ADAMTSL1: variants seen among roughly 807,000 people sequenced by gnomAD.
The protein encoded by ADAMTSL1 is ADAMTS-like protein 1.
ADAMTSL1 carries 126 observed loss-of-function variants against 201.8 expected under a neutral mutation model. The ratio of observed to expected loss-of-function variants is 0.62; its 90% CI spans 0.54 to 0.72. The LOEUF is 0.72. ADAMTSL1 is among the 30% of genes least tolerant of loss of function. ADAMTSL1 has a pLI of 0.00. For missense variants in ADAMTSL1, 2,679 were observed against 2,277.8 expected (o/e 1.18, Z -3.59); for synonymous variants, 1,121 against 903.4 (o/e 1.24, Z -4.32).
chr9:18,126,139 GGT>G (rs1205342975), intron 1 of ADAMTSL1, among the ~76,000 whole-genome samples: 3 of 151,996 alleles, frequency 2.0e-5, no homozygotes, highest in African/African-American at 7.2e-5. Flanking sequence ...ACAAGATTCT[GGT>G]AAGTATTAAA....
intron 4 of ADAMTSL1, among the ~76,000 whole-genome samples, chr9:18,576,258 C>T (rs929388304): frequency 6.6e-6 from 1 of 152,080 alleles, no homozygotes; most frequent in African/African-American, 2.4e-5. Context: ...GATGGAAAAA[C>T]AAAGATTGCA....
chr9:18,199,192 T>C (rs986412299), intron 2 of ADAMTSL1, among the ~76,000 whole-genome samples: 12 of 151,732 alleles, frequency 7.9e-5, no homozygotes, highest in African/African-American at 2.7e-4. Flanking sequence ...TGCACCAGCA[T>C]GGCACATGTA....
intron 4 of ADAMTSL1, among the ~76,000 whole-genome samples, chr9:18,584,097 A>C (rs1356866053): frequency 6.6e-6 from 1 of 152,034 alleles, no homozygotes; most frequent in Admixed American, 6.6e-5. Context: ...GAGGTTTGGG[A>C]GGGGCTAGAG....
In ADAMTSL1 at chr9:18,752,090, CAAAAAAAAAAAAAAAAAA is replaced by C. The variant is rs1166088098; in HGVS notation, c.2007-1196_2007-1179del. 3.6e-5 allele frequency among the ~76,000 whole-genome samples: 4 copies of C among 110,626 alleles called. 2 individuals are homozygous for C. Among genetic ancestry groups the C allele is most frequent in the East Asian group, 6.4e-4 (2 of 3,128 alleles). 72.6% of individuals were successfully genotyped at this position (110,626 alleles called of 152,430 possible). Reference sequence around the variant, plus strand: ...TGGGCGACAGAGCGAGACTCCGTCTCAAAAAAAAAAAAAAAAAAAAAAAAAAAAAGAAATACAACTTGC... The same window carrying C: ...TGGGCGACAGAGCGAGACTCCGTCTCAAAAAAAAAAAGAAATACAACTTGC... On this transcript the variant is annotated intron_variant, in intron 15 of 28. Transcript: ENST00000380548.
chr9:18,554,688 CTTGT>C (rs774885147), intron 3 of ADAMTSL1, among the ~76,000 whole-genome samples: 60 of 145,038 alleles, frequency 4.1e-4, no homozygotes, highest in Non-Finnish European at 7.6e-4. Context: ...TTTTATTTTG[CTTGT>C]TTGTTTGTAT....
intron 2 of ADAMTSL1, among the ~76,000 whole-genome samples, chr9:18,433,450 G>A (rs937950354): frequency 3.3e-5 from 5 of 151,950 alleles, no homozygotes; most frequent in Non-Finnish European, 5.9e-5. Flanking sequence ...GTCTTCAATG[G>A]GTAGATTTAA....
intron 1 of ADAMTSL1, among the ~76,000 whole-genome samples, chr9:17,985,063 A>C (rs1022432537): frequency 3.3e-5 from 5 of 152,306 alleles, no homozygotes; most frequent in Non-Finnish European, 7.4e-5. Flanking sequence ...TAAAATAGGA[A>C]GATGGAATTA....
At chr9:18,670,300 T>A (rs1380351545) in intron 9 of ADAMTSL1, among the ~76,000 whole-genome samples, 1 of 152,124 alleles carries the variant, frequency 6.6e-6, no homozygotes, top group Non-Finnish European at 1.5e-5. Context: ...GAAAGACACA[T>A]GAGAAAGAGA....
At chr9:18,590,633 GT>G (rs1456322101) in intron 4 of ADAMTSL1, among the ~76,000 whole-genome samples, 22 of 151,338 alleles carry the variant, frequency 1.5e-4, no homozygotes, top group African/African-American at 5.3e-4. Context: ...TATTTATATT[GT>G]TTTGATATAA....
chr9:18,053,594 AT>A (rs1388544368), intron 1 of ADAMTSL1, among the ~76,000 whole-genome samples: 1 of 152,216 alleles, frequency 6.6e-6, no homozygotes, highest in African/African-American at 2.4e-5. Context: ...GAATACATTC[AT>A]TTGAATGTTG....
At chr9:18,207,298 C>A (rs893551715) in intron 2 of ADAMTSL1, among the ~76,000 whole-genome samples, 1 of 152,056 alleles carries the variant, frequency 6.6e-6, no homozygotes. Context: ...ATGGCAATAG[C>A]TAACAATTAT....
intron 1 of ADAMTSL1, among the ~76,000 whole-genome samples, chr9:18,092,044 C>T (rs2131817153): frequency 1.3e-5 from 2 of 152,244 alleles, no homozygotes; most frequent in East Asian, 3.9e-4. Flanking sequence ...TTTTGTTCAT[C>T]TGTAGATACA....
At chr9:18,812,793 C>G (rs1823582925) in intron 20 of ADAMTSL1, among the ~76,000 whole-genome samples, 1 of 152,084 alleles carries the variant, frequency 6.6e-6, no homozygotes, top group African/African-American at 2.4e-5. Flanking sequence ...GTTCTGTGTT[C>G]TTGGCACTTT....
At chr9:18,444,228 T>C (rs879934367) in intron 2 of ADAMTSL1, among the ~76,000 whole-genome samples, 7 of 152,328 alleles carry the variant, frequency 4.6e-5, no homozygotes, top group South Asian at 2.1e-4. Flanking sequence ...GAAAAAATTA[T>C]TGAGAAACTA....
At chr9:18,294,461 C>T (rs541730587) in intron 2 of ADAMTSL1, among the ~76,000 whole-genome samples, 37 of 152,266 alleles carry the variant, frequency 2.4e-4, no homozygotes, top group Admixed American at 5.2e-4. Flanking sequence ...GCTGGGAGCC[C>T]GTGTGACTGT....
chr9:18,582,518 T>C (rs935168975), intron 4 of ADAMTSL1, among the ~76,000 whole-genome samples: 1 of 152,108 alleles, frequency 6.6e-6, no homozygotes, highest in Admixed American at 6.5e-5. Flanking sequence ...CTTCTCATGA[T>C]AGTGAATGAG....
intron 2 of ADAMTSL1, among the ~76,000 whole-genome samples, chr9:18,244,685 G>A (rs569228139): frequency 1.3e-4 from 20 of 151,942 alleles, no homozygotes; most frequent in Non-Finnish European, 2.5e-4. Context: ...AATCCCTTTG[G>A]TACATTCCAA....
intron 1 of ADAMTSL1, among the ~76,000 whole-genome samples, chr9:17,946,358 C>G (rs958306636): frequency 6.6e-6 from 1 of 151,836 alleles, no homozygotes; most frequent in East Asian, 1.9e-4. Flanking sequence ...TATCTAAGTC[C>G]AAGAACATTC....
rs200292801 is a variant in ADAMTSL1 at position 18,639,208 on chromosome 9, G to T, written c.677-46G>T. The T allele has an allele frequency of 1.0e-5, 16 of 1,594,744 alleles. No homozygotes were observed. The African/African-American group carries it at 2.2e-4, about 21-fold the overall frequency. ...GCATGAAATGTGCTTGCCTGTGGTTGCCCTAGGAACATCTTTCTCTCATCT... is the reference window on the plus strand; with the variant it reads ...GCATGAAATGTGCTTGCCTGTGGTTTCCCTAGGAACATCTTTCTCTCATCT... On this transcript the variant is annotated intron_variant, in intron 6 of 28. Coordinates refer to ENST00000380548, the MANE Select transcript of ADAMTSL1 (RefSeq NM_001040272.6).
Sources: gnomAD v4.1 joint callset for allele counts (sites outside exome capture counted in the v4.1 genomes callset) on GRCh38, gnomAD v4.1.1 for gene constraint, MANE v1.5 for transcripts, NCBI Gene and HGNC (gene_info 2026-07-23, HGNC 2026-07-21) for gene names.